Variants in HOMEZ observed in about 807,000 individuals in gnomAD.
HOMEZ encodes homeobox and leucine zipper protein Homez.
HOMEZ carries 20 observed loss-of-function variants against 50.1 expected under a neutral mutation model. That is an observed-to-expected ratio of 0.40 (90% CI 0.28 to 0.58). The LOEUF (loss-of-function observed/expected upper bound fraction) is 0.58. Ranked by LOEUF, HOMEZ falls within the 20% of genes least tolerant of loss-of-function variation. HOMEZ has a pLI of 0.46. For synonymous variants in HOMEZ, 239 were observed against 254.7 expected, an observed-to-expected ratio of 0.94 and a Z score of 0.59; for missense variants, 579 against 680.5, an observed-to-expected ratio of 0.85 and a Z score of 1.66.
chr14:23,280,615 C>A (rs1886468756), intron 1 of HOMEZ, among the ~76,000 whole-genome samples: 1 of 151,724 alleles, frequency 6.6e-6, no homozygotes, highest in African/African-American at 2.4e-5. Context: ...ACTCAGCTCC[C>A]TGTGTGGGCA....
chr14:23,279,610 T>C (rs1043908961), intron 1 of HOMEZ, among the ~76,000 whole-genome samples: 6 of 152,120 alleles, frequency 3.9e-5, no homozygotes, highest in African/African-American at 1.4e-4. Context: ...AGTTTAAAAG[T>C]AGAAGGCAAA....
intron 1 of HOMEZ, among the ~76,000 whole-genome samples, chr14:23,280,752 T>TATTTTA (rs1886523865): frequency 8.7e-6 from 1 of 114,818 alleles, no homozygotes; most frequent in African/African-American, 3.2e-5. Context: ...TATTTTATTT[T>TATTTTA]ATTTTATTTT....
In HOMEZ at chr14:23,286,092, T is replaced by C. The variant is rs1886660175; in HGVS notation, c.-140A>G. 8.1e-7 allele frequency: 1 copy of C among 1,230,234 alleles called. No homozygotes were observed. Among genetic ancestry groups the C allele is most frequent in the African/African-American group, 1.6e-5 (1 of 64,448 alleles). The allele number at this position is 1,230,234 out of a possible 1,614,324, so 76.2% of individuals were successfully genotyped here. A position where few individuals can be genotyped will look rare whatever the true frequency, so the allele number is the denominator to read the frequency against. On this transcript the variant is annotated 5_prime_UTR_variant, in exon 1 of 2. Transcript: ENST00000357460. ...CCCACCGTCCCCGGGAGCGCGCCGGTCTACCCAGCCCTGCTCGAGCAAGTT... is the reference window on the plus strand; with the variant it reads ...CCCACCGTCCCCGGGAGCGCGCCGGCCTACCCAGCCCTGCTCGAGCAAGTT...
rs1886659120 is a variant in HOMEZ, at chr14:23,286,077, C to T, written c.-125G>A. 8.1e-7 allele frequency: 1 copy of T among 1,230,758 alleles called. No homozygotes were observed. The highest frequency in any genetic ancestry group is 1.0e-6 in the Non-Finnish European group (1 of 987,246). The allele number at this position is 1,230,758 out of a possible 1,614,324, so 76.2% of individuals were successfully genotyped here. A position where few individuals can be genotyped will look rare whatever the true frequency, so the allele number is the denominator to read the frequency against. On this transcript the variant is annotated 5_prime_UTR_variant, in exon 1 of 2. Transcript: ENST00000357460. ...ACCGGGACTGCCCCCCCCACCGTCCCCGGGAGCGCGCCGGTCTACCCAGCC... is the reference window on the plus strand; with the variant it reads ...ACCGGGACTGCCCCCCCCACCGTCCTCGGGAGCGCGCCGGTCTACCCAGCC...
chr14:23,280,682 A>AT (rs1017547036), intron 1 of HOMEZ, among the ~76,000 whole-genome samples: 2 of 132,146 alleles, frequency 1.5e-5, no homozygotes, highest in African/African-American at 5.3e-5. Context: ...CACATCTGTT[A>AT]TATTTTATTT....
At position 23,276,304 on chromosome 14, in the gene HOMEZ, T is replaced by C; in HGVS notation, c.924A>G (p.Pro308=). The C allele has an allele frequency of 1.2e-6, 2 of 1,613,774 alleles. No homozygotes were observed. ...ACACTGACTGTGGGACACAGCCTAG[T>C]GGCTGGAGGGGTTTAGAGGCGGCAG... ...GATAASKPLQ[P]LGCVPQSVSP... is the part of the protein sequence containing the mutation. The change falls in exon 2 of 2, where the codon CCA becomes CCG. Residue 308 remains proline (P), a synonymous_variant. Coordinates refer to ENST00000357460, the MANE Select transcript of HOMEZ (RefSeq NM_020834.3). This position sits in a 1 kb window ranked among gnomAD's most constrained non-coding sequence, Gnocchi z 4.1.
intron 1 of HOMEZ, among the ~76,000 whole-genome samples, chr14:23,280,062 C>A (rs1886456931): frequency 6.6e-6 from 1 of 152,002 alleles, no homozygotes; most frequent in Admixed American, 6.6e-5. Flanking sequence ...GCCCAGCCCC[C>A]CTTTTTTCTT....
intron 1 of HOMEZ, among the ~76,000 whole-genome samples, chr14:23,280,753 A>ATTTTATTTTATTTTATTTT (rs1886524410): frequency 1.3e-5 from 1 of 77,584 alleles, no homozygotes; most frequent in East Asian, 4.1e-4. Context: ...ATTTTATTTT[A>ATTTTATTTTATTTTATTTT]TTTTATTTTA....
chr14:23,276,191 G>T lies in HOMEZ; in HGVS notation c.1037C>A (p.Pro346His), dbSNP rs752561553. 3.7e-6 allele frequency: 6 copies of T among 1,613,966 alleles called. No individual in the cohort carries two copies. The South Asian group carries it at 6.6e-5, about 18-fold the overall frequency. Residue 346 changes from proline (P) to histidine (H), a missense_variant, in exon 2 of 2, where the codon CCC becomes CAC. Coordinates refer to ENST00000357460, the MANE Select transcript of HOMEZ (RefSeq NM_020834.3). The surrounding 1 kb of genome is among the most constrained non-coding windows in gnomAD (Gnocchi z 4.1). ...CATATCTGGGGAAAGGTACTCTGTGGGGCCAACTCTACCTGGTACTGAGTT... is the reference window on the plus strand; with the variant it reads ...CATATCTGGGGAAAGGTACTCTGTGTGGCCAACTCTACCTGGTACTGAGTT... The part of the protein sequence containing the change: ...RHNSVPGRVG[P>H]TEYLSPDMQR...
rs1387165853 is a variant in HOMEZ at position 23,277,108 on chromosome 14, C to G, written c.120G>C (p.Gly40=). 1 of 1,613,930 alleles carries G rather than the reference C, an allele frequency of 6.2e-7. No individual in the cohort carries two copies. Among genetic ancestry groups the G allele is most frequent in the Admixed American group, 1.7e-5 (1 of 60,006 alleles). ...EASGLSSSPA[G]LICLPPISEE... ...CAGAGATTGGAGGGAGGCAGATGAG[C>G]CCCGCTGGTGAACTACTGAGACCGC... is the stretch of plus-strand genomic sequence containing the variant. Residue 40 remains glycine (G), a synonymous_variant, in exon 2 of 2, where the codon GGG becomes GGC. Coordinates refer to ENST00000357460, the MANE Select transcript of HOMEZ (RefSeq NM_020834.3).
At chr14:23,281,809 A>AATAATAATG (rs1701739908) in intron 1 of HOMEZ, among the ~76,000 whole-genome samples, 1 of 143,808 alleles carries the variant, frequency 7.0e-6, no homozygotes, top group South Asian at 2.1e-4. Context: ...AAATAATAAT[A>AATAATAATG]ATAATAATAA....
intron 1 of HOMEZ, chr14:23,285,051 T>C (rs1374483391): frequency 6.6e-6 from 1 of 152,204 alleles, no homozygotes; most frequent in Non-Finnish European, 1.5e-5. Flanking sequence ...TTGGGAACTC[T>C]GAACAGCAGT....
In HOMEZ at chr14:23,276,705, G is replaced by C. The variant is rs1289251258; in HGVS notation, c.523C>G (p.Pro175Ala). Residue 175 changes from proline to alanine, a missense_variant, in exon 2 of 2, where the codon CCT becomes GCT. By Grantham distance (27) the Pro-to-Ala change is conservative. Coordinates refer to ENST00000357460, the MANE Select transcript of HOMEZ (RefSeq NM_020834.3). This position sits in a 1 kb window ranked among gnomAD's most constrained non-coding sequence, Gnocchi z 4.1. ...IGIGPPTLSKPTQTKGLKVEP... is the reference protein window; with the variant it reads ...IGIGPPTLSKATQTKGLKVEP... ...ACCTTCAATCCTTTCGTCTGGGTAGGCTTGCTAAGAGTTGGAGGACCTATT... is the reference window on the plus strand; with the variant it reads ...ACCTTCAATCCTTTCGTCTGGGTAGCCTTGCTAAGAGTTGGAGGACCTATT... 2 of 1,613,932 alleles carry C rather than the reference G, an allele frequency of 1.2e-6. No homozygotes were observed. The highest frequency in any genetic ancestry group is 1.7e-5 in the Admixed American group (1 of 60,010).
chr14:23,275,542 C>T lies in HOMEZ; in HGVS notation c.*33G>A, dbSNP rs1474148751. ...ACAGTTACTAAGTTGGTTCATCTTT[C>T]AGTAACAGACCTCCCCTCCCCCAGC... On this transcript the variant is annotated 3_prime_UTR_variant, in exon 2 of 2. Coordinates refer to ENST00000357460, the MANE Select transcript of HOMEZ (RefSeq NM_020834.3). 1 of 1,514,272 alleles carries T rather than the reference C, an allele frequency of 6.6e-7. No individual in the cohort carries two copies. The highest frequency in any genetic ancestry group is 2.2e-5 in the Admixed American group (1 of 45,822). 93.8% of individuals were successfully genotyped at this position (1,514,272 alleles called of 1,614,324 possible).
Position 23,276,525 on chromosome 14 carries a change from T to A in HOMEZ, c.703A>T (p.Arg235Trp). 6.2e-7 allele frequency: 1 copy of A among 1,614,052 alleles called. No homozygotes were observed. The highest frequency in any genetic ancestry group is 1.1e-5 in the South Asian group (1 of 91,086). The change falls in exon 2 of 2, where the codon AGG becomes TGG. Residue 235 changes from arginine (R) to tryptophan (W), a missense_variant. Arg to Trp is a moderately radical substitution (Grantham distance 101). Transcript: ENST00000357460. This position sits in a 1 kb window ranked among gnomAD's most constrained non-coding sequence, Gnocchi z 4.1. ...ATGCCATGTGACTGGTTGGGACCCCTGCCTGCCTGCTCCTTTGAGAGGCCA... is the reference window on the plus strand; with the variant it reads ...ATGCCATGTGACTGGTTGGGACCCCAGCCTGCCTGCTCCTTTGAGAGGCCA... ...SSGLSKEQAG[R>W]GPNQSHGIGT...
chr14:23,278,593 G>A (rs1327720464), intron 1 of HOMEZ, among the ~76,000 whole-genome samples: 3 of 152,062 alleles, frequency 2.0e-5, no homozygotes, highest in Non-Finnish European at 2.9e-5. Flanking sequence ...CAAACTCCTA[G>A]CCTCAAGTGA....
chr14:23,273,020 TCCC>T lies in HOMEZ; in HGVS notation c.*2552_*2554del, dbSNP rs1022454985. ...CCTAGTTTCACTCTGTACCTTATGC[TCCC>T]CCCATCTTTACCCTATTCACCCTTA... is the stretch of plus-strand genomic sequence containing the variant. On this transcript the variant is annotated 3_prime_UTR_variant, in exon 2 of 2. Transcript: ENST00000357460. 1.6e-5 allele frequency: 9 copies of T among 566,630 alleles called. No individual in the cohort carries two copies. Among genetic ancestry groups the T allele is most frequent in the Admixed American group, 1.4e-4 (4 of 28,558 alleles). 35.1% of individuals were successfully genotyped at this position (566,630 alleles called of 1,614,324 possible).
chr14:23,272,749 A>G lies in HOMEZ; in HGVS notation c.*2826T>C. On this transcript the variant is annotated 3_prime_UTR_variant, in exon 2 of 2. Transcript: ENST00000357460. ...TGTCTGTCTCGATAAGCTTCATACAACAGGTCAGAGAGACTTGCTTGCCCT... is the reference window on the plus strand; with the variant it reads ...TGTCTGTCTCGATAAGCTTCATACAGCAGGTCAGAGAGACTTGCTTGCCCT... 1 of 899,374 alleles carries G rather than the reference A, an allele frequency of 1.1e-6. No individual in the cohort carries two copies. The highest frequency in any genetic ancestry group is 1.8e-6 in the Non-Finnish European group (1 of 555,474). 55.7% of individuals were successfully genotyped at this position (899,374 alleles called of 1,614,324 possible).
rs765036927 is a variant in HOMEZ, at chr14:23,275,399, T to C, written c.*176A>G. ...CCAATCCCAGCCTTACTTAGTGCCCTATGGTCATTCTCCCTGGTCCACCCT... is the reference window on the plus strand; with the variant it reads ...CCAATCCCAGCCTTACTTAGTGCCCCATGGTCATTCTCCCTGGTCCACCCT... On this transcript the variant is annotated 3_prime_UTR_variant, in exon 2 of 2. Transcript: ENST00000357460. 4.1e-6 allele frequency: 3 copies of C among 724,776 alleles called. No individual in the cohort carries two copies. Among genetic ancestry groups the C allele is most frequent in the Non-Finnish European group, 6.6e-6 (3 of 451,202 alleles). 44.9% of individuals were successfully genotyped at this position (724,776 alleles called of 1,614,324 possible). A position where few individuals can be genotyped will look rare whatever the true frequency, so the allele number is the denominator to read the frequency against.
Sources: gnomAD v4.1 joint callset for allele counts (sites outside exome capture counted in the v4.1 genomes callset) on GRCh38, gnomAD v4.1.1 for gene constraint, Gnocchi (gnomAD v3.1) non-coding constraint, MANE v1.5 for transcripts, NCBI Gene and HGNC (gene_info 2026-07-23, HGNC 2026-07-21) for gene names.